The following PPFIBP2 variants were observed in gnomAD, a reference collection of about 807,000 sequenced individuals.
The protein encoded by PPFIBP2 is PPFIB scaffold protein 2, also known as liprin-beta-2.
In PPFIBP2, 118 loss-of-function variants were observed where a neutral mutation model predicts 118.3. That is an observed-to-expected ratio of 1.00 (90% CI 0.86 to 1.16). The LOEUF is 1.16. Among genes scored for constraint, PPFIBP2 ranks in the 50% most tolerant of loss-of-function variants. The pLI is 0.00. For synonymous variants in PPFIBP2, 414 were observed against 397.4 expected (o/e 1.04, Z -0.50); for missense variants, 1,195 against 1,073.1 (o/e 1.11, Z -1.59).
chr11:7,548,860 G>T (rs1033511894), intron 1 of PPFIBP2, among the ~76,000 whole-genome samples: 1 of 152,152 alleles, frequency 6.6e-6, no homozygotes, highest in Non-Finnish European at 1.5e-5. Flanking sequence ...CTACATCCTT[G>T]TGGCCTGTAG....
chr11:7,650,240 C>T (rs563176991), intron 21 of PPFIBP2, among the ~76,000 whole-genome samples: 11 of 152,310 alleles, frequency 7.2e-5, no homozygotes, highest in African/African-American at 2.6e-4. Flanking sequence ...CATCCTATCT[C>T]CTCTGTTCCT....
chr11:7,630,142 T>C (rs1850562946), intron 10 of PPFIBP2, among the ~76,000 whole-genome samples: 1 of 152,218 alleles, frequency 6.6e-6, no homozygotes, highest in Non-Finnish European at 1.5e-5. Context: ...GCTCCCATCA[T>C]AGATCCTGAG....
In PPFIBP2 at chr11:7,549,537, C is replaced by T. The variant is rs139460842; in HGVS notation, c.62C>T (p.Ala21Val). ...AALEQMDGII[A>V]GTKTGADLSD... ...CTGGAGCAAATGGACGGGATCATTG[C>T]AGGTACGCCCAGGGAACCCCAGCAA... The change falls in exon 2 of 24, where the codon GCA (alanine) becomes GTA (valine). Residue 21 changes from alanine (A) to valine (V), a missense_variant and splice_region_variant. Coordinates refer to ENST00000299492, the MANE Select transcript of PPFIBP2 (RefSeq NM_003621.5). 7 of 1,557,670 alleles carry T rather than the reference C, an allele frequency of 4.5e-6. No individual in the cohort carries two copies. The African/African-American group carries it at 6.9e-5, about 15-fold the overall frequency.
At chr11:7,617,788 G>A (rs1232569519) in intron 6 of PPFIBP2, among the ~76,000 whole-genome samples, 2 of 152,176 alleles carry the variant, frequency 1.3e-5, no homozygotes, top group Non-Finnish European at 2.9e-5. Flanking sequence ...TTCATATGCT[G>A]TGAATAATTA....
intron 1 of PPFIBP2, among the ~76,000 whole-genome samples, chr11:7,528,950 G>C (rs553837250): frequency 6.6e-6 from 1 of 152,264 alleles, no homozygotes; most frequent in East Asian, 1.9e-4. Context: ...TCTAGCCCTG[G>C]TGGCCACGCC....
intron 3 of PPFIBP2, among the ~76,000 whole-genome samples, chr11:7,586,260 C>T (rs972545356): frequency 6.6e-6 from 1 of 152,024 alleles, no homozygotes; most frequent in African/African-American, 2.4e-5. Flanking sequence ...GAAATATTGC[C>T]CCTGTTGTTC....
At chr11:7,571,304 C>T (rs897764184) in intron 3 of PPFIBP2, among the ~76,000 whole-genome samples, 1 of 152,176 alleles carries the variant, frequency 6.6e-6, no homozygotes. Flanking sequence ...ATGGCGGTTT[C>T]TTCAGCTCCC....
intron 1 of PPFIBP2, among the ~76,000 whole-genome samples, chr11:7,547,379 C>G (rs1159557492): frequency 7.2e-5 from 11 of 152,098 alleles, no homozygotes; most frequent in Non-Finnish European, 1.5e-4. Context: ...GTGAGCATGG[C>G]CTGGCCTGAT....
the PPFIBP2 span, chr11:7,666,598 G>T: frequency 7.2e-7 from 1 of 1,395,798 alleles, no homozygotes; most frequent in South Asian, 1.2e-5. Flanking sequence ...CCATCCTCTT[G>T]TTCCCTGGAC....
chr11:7,640,250 C>T (rs1851993015), intron 15 of PPFIBP2, among the ~76,000 whole-genome samples: 1 of 152,140 alleles, frequency 6.6e-6, no homozygotes, highest in African/African-American at 2.4e-5. Context: ...CTTCCTTCCT[C>T]TGTCATTCTG....
downstream of PPFIBP2, among the ~76,000 whole-genome samples, chr11:7,658,268 G>C (rs1854808052): frequency 2.1e-5 from 3 of 144,560 alleles, no homozygotes; most frequent in East Asian, 2.1e-4. Context: ...CTAGCATTAG[G>C]TATATCTCCA....
In PPFIBP2 at chr11:7,648,526, G is replaced by A. The variant is rs770078076; in HGVS notation, c.1786G>A (p.Asp596Asn). ...CACCTTATTGACAGCCACCCCTCAGGACATGGAAAAGGTAAGGGCTCAGCT... is the reference window on the plus strand; with the variant it reads ...CACCTTATTGACAGCCACCCCTCAGAACATGGAAAAGGTAAGGGCTCAGCT... ...GHTLLTATPQ[D>N]MEKELGIKHP... Residue 596 changes from aspartate (D) to asparagine (N), a missense_variant, in exon 18 of 24, where the codon GAC (aspartate) becomes AAC (asparagine). Transcript: ENST00000299492. 6.2e-7 allele frequency: 1 copy of A among 1,614,026 alleles called. No individual in the cohort carries two copies. Among genetic ancestry groups the A allele is most frequent in the Non-Finnish European group, 8.5e-7 (1 of 1,179,984 alleles).
intron 4 of PPFIBP2, among the ~76,000 whole-genome samples, chr11:7,593,587 G>T (rs1184658063): frequency 6.6e-6 from 1 of 152,164 alleles, no homozygotes; most frequent in East Asian, 1.9e-4. Flanking sequence ...ATATCCTCAT[G>T]CCACTAATAA....
intron 3 of PPFIBP2, among the ~76,000 whole-genome samples, chr11:7,574,404 C>T (rs1003484991): frequency 3.3e-5 from 5 of 152,154 alleles, no homozygotes; most frequent in Non-Finnish European, 7.4e-5. Flanking sequence ...CTCCCAATAA[C>T]AAGGGGAGCC....
chr11:7,588,801 T>G (rs1858676189), intron 3 of PPFIBP2, among the ~76,000 whole-genome samples: 1 of 152,226 alleles, frequency 6.6e-6, no homozygotes, highest in Non-Finnish European at 1.5e-5. Flanking sequence ...CTAAGGGTGC[T>G]GAGTTCTTAA....
At chr11:7,586,030 C>A (rs1858109758) in intron 3 of PPFIBP2, among the ~76,000 whole-genome samples, 2 of 152,158 alleles carry the variant, frequency 1.3e-5, no homozygotes, top group African/African-American at 4.8e-5. Flanking sequence ...AAAATGTGAG[C>A]ACTTGTTCAG....
chr11:7,630,265 C>A (rs1218997769), intron 10 of PPFIBP2, among the ~76,000 whole-genome samples: 1 of 152,234 alleles, frequency 6.6e-6, no homozygotes, highest in Non-Finnish European at 1.5e-5. Flanking sequence ...CAGGATGTGA[C>A]TGACTGGTCA....
intron 4 of PPFIBP2, among the ~76,000 whole-genome samples, 196 bp downstream of exon 4, chr11:7,593,420 G>A (rs902697576): frequency 1.3e-5 from 2 of 152,110 alleles, no homozygotes; most frequent in Non-Finnish European, 2.9e-5. Flanking sequence ...CTTGGCTTAG[G>A]GGGGCTGTGA....
At chr11:7,591,634 A>G (rs1384148607) in intron 3 of PPFIBP2, among the ~76,000 whole-genome samples, 12 of 152,136 alleles carry the variant, frequency 7.9e-5, no homozygotes, top group Admixed American at 7.9e-4. Context: ...GTGGCATGAA[A>G]GAGCTTCCAT....
Sources: allele counts gnomAD v4.1 joint callset (sites outside exome capture counted in the v4.1 genomes callset), GRCh38; gene constraint gnomAD v4.1.1; transcripts MANE v1.5; gene names NCBI Gene and HGNC (gene_info 2026-07-23, HGNC 2026-07-21).